The following RPA1 variants were observed in gnomAD, a reference collection of about 807,000 sequenced individuals.
RPA1 encodes the protein replication protein A1, also known as replication protein A 70 kDa DNA-binding subunit.
In RPA1, 49 loss-of-function variants were observed where a neutral mutation model predicts 83.0. That is an observed-to-expected ratio of 0.59 (90% CI 0.47 to 0.75). The LOEUF is 0.75. RPA1 is among the 30% of genes least tolerant of loss of function. The pLI is 0.00. For missense variants in RPA1, 693 were observed against 776.1 expected (o/e 0.89, Z 1.27); for synonymous variants, 279 against 281.8 (o/e 0.99, Z 0.10).
intron 1 of RPA1, among the ~76,000 whole-genome samples, chr17:1,831,876 G>A (rs940016272): frequency 1.0e-4 from 15 of 148,260 alleles, no homozygotes; most frequent in South Asian, 2.1e-4. Context: ...TGGGGTTACA[G>A]GCGTGAGCCA....
At chr17:1,842,598 T>A (rs55934606) in intron 1 of RPA1, among the ~76,000 whole-genome samples, 13 of 152,336 alleles carry the variant, frequency 8.5e-5, no homozygotes, top group African/African-American at 3.1e-4. Context: ...AGAGATGTGC[T>A]AAGTGTTTCC....
At chr17:1,869,462 C>G (rs1031605022) in intron 5 of RPA1, among the ~76,000 whole-genome samples, 3 of 151,730 alleles carry the variant, frequency 2.0e-5, no homozygotes, top group African/African-American at 7.3e-5. Context: ...CTCTTGAAAT[C>G]GGGAGGCGGA....
intron 10 of RPA1, 66 bp downstream of exon 10, chr17:1,879,473 T>G: frequency 1.2e-6 from 2 of 1,611,148 alleles, no homozygotes; most frequent in Non-Finnish European, 1.7e-6. Context: ...CGGGGTGGTG[T>G]CAGGCTTCAG....
In RPA1 at chr17:1,853,172, C is replaced by A; in HGVS notation, c.344C>A (p.Pro115Gln). Residue 115 changes from proline to glutamine, a missense_variant, in exon 5 of 17, where the codon CCA becomes CAA. Coordinates refer to ENST00000254719, the MANE Select transcript of RPA1 (RefSeq NM_002945.5). Reference sequence around the variant, plus strand: ...GCAGTTGGAGTGAAGATTGGCAATCCAGTGCCCTATAATGAAGGTAAAATG... The same window carrying A: ...GCAGTTGGAGTGAAGATTGGCAATCAAGTGCCCTATAATGAAGGTAAAATG... ...AEAVGVKIGN[P>Q]VPYNEGLGQP... 1 of 1,613,946 alleles carries A rather than the reference C, an allele frequency of 6.2e-7. No individual in the cohort carries two copies. The highest frequency in any genetic ancestry group is 8.5e-7 in the Non-Finnish European group (1 of 1,179,860).
At chr17:1,882,337 G>T (rs1310505170) in intron 12 of RPA1, among the ~76,000 whole-genome samples, 1 of 152,114 alleles carries the variant, frequency 6.6e-6, no homozygotes, top group African/African-American at 2.4e-5. Flanking sequence ...AAAAGATAAT[G>T]CCTTCTGATA....
At chr17:1,877,035 G>A (rs923910136) in intron 7 of RPA1, among the ~76,000 whole-genome samples, 177 bp from the exon 8 acceptor site, 2 of 152,150 alleles carry the variant, frequency 1.3e-5, no homozygotes, top group Non-Finnish European at 2.9e-5. Flanking sequence ...TTTACTATTT[G>A]CTTATTCTGT....
chr17:1,878,957 A>C, intron 8 of RPA1, 36 bp from the exon 9 acceptor site: 2 of 1,612,020 alleles, frequency 1.2e-6, no homozygotes, highest in Non-Finnish European at 1.7e-6. Flanking sequence ...CCTGTGTTCA[A>C]TCCCGCAGCC....
intron 5 of RPA1, chr17:1,858,343 A>G: frequency 6.2e-7 from 1 of 1,607,658 alleles, no homozygotes; most frequent in Non-Finnish European, 8.5e-7. Flanking sequence ...ACGGTGGCAG[A>G]TGGACATCGC....
intron 12 of RPA1, among the ~76,000 whole-genome samples, chr17:1,882,977 G>T (rs922827898): frequency 6.6e-6 from 1 of 152,084 alleles, no homozygotes; most frequent in African/African-American, 2.4e-5. Flanking sequence ...CTTCACCACT[G>T]GGGGGCATCA....
chr17:1,864,591 A>C (rs186195488), intron 5 of RPA1, among the ~76,000 whole-genome samples: 1 of 152,192 alleles, frequency 6.6e-6, no homozygotes, highest in African/African-American at 2.4e-5. Context: ...CAATTAGTCC[A>C]TAACTAACTT....
intron 4 of RPA1, among the ~76,000 whole-genome samples, chr17:1,846,700 G>A (rs1912273553): frequency 6.6e-6 from 1 of 152,086 alleles, no homozygotes; most frequent in Non-Finnish European, 1.5e-5. Flanking sequence ...GTTTTTCTGT[G>A]TGTTATTCCT....
chr17:1,877,101 G>A, intron 7 of RPA1, 111 bp from the exon 8 acceptor site: 1 of 960,278 alleles, frequency 1.0e-6, no homozygotes, highest in Non-Finnish European at 1.6e-6. Context: ...TTAAAATACA[G>A]GTTGGAAAAC....
intron 5 of RPA1, among the ~76,000 whole-genome samples, chr17:1,859,836 C>T (rs1030946652): frequency 5.3e-5 from 8 of 151,874 alleles, no homozygotes; most frequent in African/African-American, 1.5e-4. Flanking sequence ...ATTTTTGAGA[C>T]GAAGTCTCAC....
intron 4 of RPA1, among the ~76,000 whole-genome samples, chr17:1,849,089 CT>C (rs1262962016): frequency 6.6e-6 from 1 of 152,050 alleles, no homozygotes; most frequent in Non-Finnish European, 1.5e-5. Flanking sequence ...TTATGGTTAA[CT>C]TTTTGAGGCT....
intron 4 of RPA1, among the ~76,000 whole-genome samples, chr17:1,846,311 CTTTTTTTTTTTTTT>C (rs71150823): frequency 1.3e-5 from 1 of 75,786 alleles, no homozygotes; most frequent in African/African-American, 5.2e-5. Flanking sequence ...GGAAGCTTTG[CTTTTTTTTTTTTTT>C]TTTTTTTTTC....
At chr17:1,895,764 C>T (rs1914393813) in intron 16 of RPA1, among the ~76,000 whole-genome samples, 1 of 151,780 alleles carries the variant, frequency 6.6e-6, no homozygotes. Context: ...CTCACCACAA[C>T]CTCCGCCTCC....
chr17:1,890,014 AAG>A (rs1914146850), intron 14 of RPA1, among the ~76,000 whole-genome samples: 1 of 151,882 alleles, frequency 6.6e-6, no homozygotes, highest in Non-Finnish European at 1.5e-5. Context: ...AAAAGAGAAA[AAG>A]AAAACAGTTT....
At chr17:1,863,890 A>G (rs1010919115) in intron 5 of RPA1, among the ~76,000 whole-genome samples, 2 of 152,210 alleles carry the variant, frequency 1.3e-5, no homozygotes, top group Non-Finnish European at 2.9e-5. Flanking sequence ...GAATATTTGG[A>G]AAAAAATTTG....
intron 5 of RPA1, among the ~76,000 whole-genome samples, chr17:1,866,254 A>C (rs945157753): frequency 6.6e-5 from 10 of 152,078 alleles, no homozygotes; most frequent in Non-Finnish European, 1.3e-4. Context: ...AAAACAACAA[A>C]AAAATTTTTT....
Sources: allele counts gnomAD v4.1 joint callset (sites outside exome capture counted in the v4.1 genomes callset), GRCh38; gene constraint gnomAD v4.1.1; transcripts MANE v1.5; gene names NCBI Gene and HGNC (gene_info 2026-07-23, HGNC 2026-07-21).